Variants in F2RL1 observed in about 807,000 individuals in gnomAD.
F2RL1 encodes the protein F2R like trypsin receptor 1, also known as proteinase-activated receptor 2.
In F2RL1, 16 loss-of-function variants were observed where a neutral mutation model predicts 21.7. That is an observed-to-expected ratio of 0.74 (90% confidence interval 0.50 to 1.12). The LOEUF (loss-of-function observed/expected upper bound fraction) is 1.12, where lower values mean the gene tolerates loss of function less well. Among genes scored for constraint, F2RL1 ranks in the 50% most tolerant of loss-of-function variants. The pLI, the probability that F2RL1 is intolerant of heterozygous loss-of-function variation, is 0.00. For missense variants in F2RL1, 432 were observed against 477.8 expected, an observed-to-expected ratio of 0.90 and a Z score of 0.89; for synonymous variants, 181 against 186.7, an observed-to-expected ratio of 0.97 and a Z score of 0.25.
At chr5:76,824,030 T>A (rs1750191081) in intron 1 of F2RL1, among the ~76,000 whole-genome samples, 1 of 151,756 alleles carries the variant, frequency 6.6e-6, no homozygotes, top group Non-Finnish European at 1.5e-5. Flanking sequence ...GCCAGGATGG[T>A]CTCGGTCTCC....
chr5:76,822,808 T>A (rs983413545), intron 1 of F2RL1, among the ~76,000 whole-genome samples: 4 of 151,958 alleles, frequency 2.6e-5, no homozygotes, highest in African/African-American at 9.7e-5. Context: ...AAAAGGACAT[T>A]TGGGGTGAGG....
chr5:76,830,998 A>G (rs1322461299), intron 1 of F2RL1, among the ~76,000 whole-genome samples: 1 of 151,988 alleles, frequency 6.6e-6, no homozygotes, highest in Non-Finnish European at 1.5e-5. Flanking sequence ...GGTGAGGCCT[A>G]CTTTTCCCCA....
intron 1 of F2RL1, among the ~76,000 whole-genome samples, chr5:76,822,310 C>A (rs1034327111): frequency 6.6e-6 from 1 of 152,046 alleles, no homozygotes; most frequent in African/African-American, 2.4e-5. Context: ...CTCTGCCTCC[C>A]AGGTTTAAGT....
chr5:76,829,640 A>G (rs1750313018), intron 1 of F2RL1, among the ~76,000 whole-genome samples: 1 of 152,172 alleles, frequency 6.6e-6, no homozygotes, highest in Non-Finnish European at 1.5e-5. Flanking sequence ...GTTACTTTCT[A>G]ATTGTTACAT....
chr5:76,823,701 C>G (rs932158558), intron 1 of F2RL1, among the ~76,000 whole-genome samples: 2 of 151,168 alleles, frequency 1.3e-5, no homozygotes, highest in African/African-American at 4.9e-5. Context: ...TCTCTATGCA[C>G]AAATGATTTA....
chr5:76,826,844 A>G (rs1221919456), intron 1 of F2RL1, among the ~76,000 whole-genome samples: 1 of 150,076 alleles, frequency 6.7e-6, no homozygotes, highest in Non-Finnish European at 1.5e-5. Flanking sequence ...TCAATTGTTG[A>G]TGGACATTTG....
In F2RL1 at chr5:76,829,336, A is replaced by G. The variant is rs369575602; in HGVS notation, c.83-3354A>G. Among the ~76,000 whole-genome samples, 199 of 151,224 alleles carry G rather than the reference A, an allele frequency of 1.3e-3. 1 individual carries two copies. The highest frequency in any genetic ancestry group is 4.3e-3 in the East Asian group (22 of 5,146). Reference sequence around the variant, plus strand: ...GGTCTTGAACTCCTGGTCTCAATCAATCCTCCTGCTTTGGCCTCTCAAAGT... The same window carrying G: ...GGTCTTGAACTCCTGGTCTCAATCAGTCCTCCTGCTTTGGCCTCTCAAAGT... On this transcript the variant is annotated intron_variant, in intron 1 of 1. Transcript: ENST00000296677.
chr5:76,825,434 G>A (rs1406820871), intron 1 of F2RL1, among the ~76,000 whole-genome samples: 1 of 152,170 alleles, frequency 6.6e-6, no homozygotes, highest in Non-Finnish European at 1.5e-5. Flanking sequence ...GAAATAAGGA[G>A]CTGTTTGTCT....
chr5:76,831,912 AC>A (rs1340660290), intron 1 of F2RL1, among the ~76,000 whole-genome samples: 2 of 151,916 alleles, frequency 1.3e-5, no homozygotes, highest in African/African-American at 4.8e-5. Flanking sequence ...GATGTCTCAC[AC>A]CTGTAATTCC....
chr5:76,820,775 A>C (rs1196989913), intron 1 of F2RL1, among the ~76,000 whole-genome samples: 1 of 152,180 alleles, frequency 6.6e-6, no homozygotes, highest in Non-Finnish European at 1.5e-5. Context: ...TTATAAGGCG[A>C]ACTTGATTTA....
Position 76,821,350 on chromosome 5 carries a change from T to C in F2RL1, c.82+2086T>C, listed in dbSNP as rs976413849. Among the ~76,000 whole-genome samples the C allele has an allele frequency of 3.9e-5, 6 of 152,168 alleles. 1 individual carries two copies. In the South Asian group the frequency reaches 1.0e-3, roughly 26 times the overall value. Reference sequence around the variant, plus strand: ...ACCATCCTTTCCATCACGTCTAGCATAGTCTCATCACCTACGGGACCTCAG... The same window carrying C: ...ACCATCCTTTCCATCACGTCTAGCACAGTCTCATCACCTACGGGACCTCAG... On this transcript the variant is annotated intron_variant, in intron 1 of 1. Coordinates refer to ENST00000296677, the MANE Select transcript of F2RL1 (RefSeq NM_005242.6).
Position 76,832,836 on chromosome 5 carries a change from T to C in F2RL1, c.229T>C (p.Phe77Leu), listed in dbSNP as rs1468386156. ...SVLTGKLTTV[F>L]LPIVYTIVFV... ...CCTCACTGGAAAACTGACCACTGTC[T>C]TCCTTCCAATTGTCTACACAATTGT... Residue 77 changes from phenylalanine to leucine, a missense_variant, in exon 2 of 2, where the codon TTC becomes CTC. Coordinates refer to ENST00000296677, the MANE Select transcript of F2RL1 (RefSeq NM_005242.6). The C allele has an allele frequency of 6.2e-7, 1 of 1,614,232 alleles. No homozygotes were observed. The highest frequency in any genetic ancestry group is 8.5e-7 in the Non-Finnish European group (1 of 1,180,038).
rs765152103 is a variant in F2RL1 at position 76,833,662 on chromosome 5, G to A, written c.1055G>A (p.Arg352Lys). The A allele has an allele frequency of 9.3e-6, 15 of 1,613,926 alleles. No homozygotes were observed. In the South Asian group the frequency reaches 1.6e-4, roughly 18 times the overall value. ...FVYYFVSHDFRDHAKNALLCR... is the reference protein window; with the variant it reads ...FVYYFVSHDFKDHAKNALLCR... ...TATTACTTTGTTTCACATGATTTCA[G>A]GGATCATGCAAAGAACGCTCTCCTT... The change falls in exon 2 of 2, where the codon AGG becomes AAG. Residue 352 changes from arginine to lysine, a missense_variant. Coordinates refer to ENST00000296677, the MANE Select transcript of F2RL1 (RefSeq NM_005242.6).
Position 76,833,431 on chromosome 5 carries a change from A to C in F2RL1, c.824A>C (p.Asp275Ala). 6.2e-7 allele frequency: 1 copy of C among 1,613,806 alleles called. No individual in the cohort carries two copies. The highest frequency in any genetic ancestry group is 8.5e-7 in the Non-Finnish European group (1 of 1,179,992). Reference protein sequence around the residue: ...MIRMLRSSAMDENSEKKRKRA... With the variant: ...MIRMLRSSAMAENSEKKRKRA... Reference sequence around the variant, plus strand: ...AGAATGCTGCGATCTTCTGCCATGGATGAAAACTCAGAGAAGAAAAGGAAG... The same window carrying C: ...AGAATGCTGCGATCTTCTGCCATGGCTGAAAACTCAGAGAAGAAAAGGAAG... Residue 275 changes from aspartate (D) to alanine (A), a missense_variant, in exon 2 of 2, where the codon GAT becomes GCT. Physicochemically the swap from Asp to Ala is moderately radical, Grantham distance 126. Transcript: ENST00000296677.
chr5:76,833,210 G>A lies in F2RL1; in HGVS notation c.603G>A (p.Leu201=), dbSNP rs149958914. ...GCATCTCCCTGGCAATATGGCTGCT[G>A]ATTCTGCTGGTCACCATTCCTTTGT... ...AIGISLAIWL[L]ILLVTIPLYV... The change falls in exon 2 of 2, where the codon CTG becomes CTA. Residue 201 remains leucine (L), a synonymous_variant. Coordinates refer to ENST00000296677, the MANE Select transcript of F2RL1 (RefSeq NM_005242.6). 2.9e-5 allele frequency: 46 copies of A among 1,613,848 alleles called. No individual in the cohort carries two copies. Among genetic ancestry groups the A allele is most frequent in the Middle Eastern group, 1.6e-4 (1 of 6,084 alleles).
At chr5:76,827,826 C>T (rs1029856190) in intron 1 of F2RL1, among the ~76,000 whole-genome samples, 1 of 151,742 alleles carries the variant, frequency 6.6e-6, no homozygotes, top group Non-Finnish European at 1.5e-5. Flanking sequence ...CTCAAAACCC[C>T]GACCTCGTGA....
At chr5:76,823,091 A>G (rs1227945038) in intron 1 of F2RL1, among the ~76,000 whole-genome samples, 4 of 151,962 alleles carry the variant, frequency 2.6e-5, no homozygotes, top group African/African-American at 9.7e-5. Context: ...TTAGCCGGGC[A>G]TGGTGGCGGG....
chr5:76,822,957 C>A (rs754161690), intron 1 of F2RL1, among the ~76,000 whole-genome samples: 3 of 152,112 alleles, frequency 2.0e-5, no homozygotes, highest in Admixed American at 6.6e-5. Flanking sequence ...TTAGGCCAAG[C>A]GTGGTGGCTC....
intron 1 of F2RL1, among the ~76,000 whole-genome samples, chr5:76,822,206 A>T (rs1232191948): frequency 4.6e-5 from 7 of 152,082 alleles, no homozygotes; most frequent in Admixed American, 4.6e-4. Context: ...GTTGATAGAC[A>T]TGTGGTATTT....
Sources: gnomAD v4.1 joint callset for allele counts (sites outside exome capture counted in the v4.1 genomes callset) on GRCh38, gnomAD v4.1.1 for gene constraint, MANE v1.5 for transcripts, NCBI Gene and HGNC (gene_info 2026-07-23, HGNC 2026-07-21) for gene names.